DPY19L3: variants seen among roughly 807,000 people sequenced by gnomAD.
The protein encoded by DPY19L3 is dpy-19 like C-mannosyltransferase 3.
DPY19L3 carries 51 observed loss-of-function variants against 92.3 expected under a neutral mutation model. The observed-to-expected ratio is 0.55, with a 90% CI of 0.44 to 0.70. The LOEUF is 0.70. Among genes scored for constraint, DPY19L3 ranks in the 30% least tolerant of loss-of-function variants. The pLI is 0.00. For missense variants in DPY19L3, 706 were observed against 855.9 expected (o/e 0.82, Z 2.18); for synonymous variants, 309 against 315.2 (o/e 0.98, Z 0.21).
At position 32,453,311 on chromosome 19, in the gene DPY19L3, CT is replaced by C. The variant is rs536858783; in HGVS notation, c.987+43del. ...TTTTTTTGTCCTTTATCAAAGTAAACTTTTTTTTAATTGCGTGGTTTATTGA... is the reference window on the plus strand; with the variant it reads ...TTTTTTTGTCCTTTATCAAAGTAAACTTTTTTTAATTGCGTGGTTTATTGA... On this transcript the variant is annotated intron_variant, in intron 9 of 18. Transcript: ENST00000392250. The C allele has an allele frequency of 2.1e-4, 325 of 1,568,656 alleles. 2 individuals carry two copies. In the African/African-American group the frequency reaches 2.7e-3, roughly 13 times the overall value.
intron 4 of DPY19L3, among the ~76,000 whole-genome samples, chr19:32,433,457 G>A (rs374506143): frequency 2.4e-4 from 36 of 152,112 alleles, no homozygotes; most frequent in African/African-American, 6.3e-4. Flanking sequence ...TCACTCTGTC[G>A]TCCAGGCTGG....
At chr19:32,480,601 C>A in intron 18 of DPY19L3, 44 bp downstream of exon 18, 1 of 1,570,728 alleles carries the variant, frequency 6.4e-7, no homozygotes, top group Non-Finnish European at 8.6e-7. Context: ...CCTGGAGGGG[C>A]GGGACTCTGA....
At chr19:32,424,368 A>G (rs1410251945) in intron 3 of DPY19L3, among the ~76,000 whole-genome samples, 1 of 151,482 alleles carries the variant, frequency 6.6e-6, no homozygotes. Context: ...GAGTATCCTG[A>G]TTTCTTTCTC....
Position 32,484,588 on chromosome 19 carries a change from G to A in DPY19L3, c.*2348G>A, listed in dbSNP as rs1970752353. 6.6e-6 allele frequency: 1 copy of A among 152,124 alleles called. No individual in the cohort carries two copies. The highest frequency in any genetic ancestry group is 1.5e-5 in the Non-Finnish European group (1 of 68,040). The allele number at this position is 152,124 out of a possible 1,614,324, so 9.4% of individuals were successfully genotyped here. ...AAGTACAATAGAAGTGCTCTTAACG[G>A]ACTCTGCCTGTGTGACTCCCAGGCC... On this transcript the variant is annotated 3_prime_UTR_variant, in exon 19 of 19. Transcript: ENST00000392250.
intron 3 of DPY19L3, among the ~76,000 whole-genome samples, chr19:32,421,389 C>G (rs1174073660): frequency 2.0e-5 from 3 of 152,144 alleles, no homozygotes; most frequent in Admixed American, 6.5e-5. Context: ...CCTGTAATCC[C>G]AGCACTTTGG....
intron 3 of DPY19L3, among the ~76,000 whole-genome samples, chr19:32,424,342 A>T (rs1197751898): frequency 3.3e-5 from 5 of 150,830 alleles, no homozygotes; most frequent in Admixed American, 2.0e-4. Flanking sequence ...AGAAATAAAT[A>T]AAAAAAAATG....
At chr19:32,462,612 C>T (rs1464350190) in intron 12 of DPY19L3, among the ~76,000 whole-genome samples, 6 of 152,074 alleles carry the variant, frequency 3.9e-5, no homozygotes, top group East Asian at 1.9e-4. Context: ...ACCTGGGAGA[C>T]GGGAACAGCT....
intron 15 of DPY19L3, 90 bp downstream of exon 15, chr19:32,464,874 A>G: frequency 4.5e-6 from 4 of 892,374 alleles, no homozygotes; most frequent in Non-Finnish European, 6.6e-6. Flanking sequence ...TTTGGCAAAT[A>G]GAGTGGTTTG....
At chr19:32,424,385 A>G (rs1433370841) in intron 3 of DPY19L3, among the ~76,000 whole-genome samples, 3 of 151,876 alleles carry the variant, frequency 2.0e-5, no homozygotes, top group Non-Finnish European at 2.9e-5. Context: ...TCTCTTTTAT[A>G]ACTGGAAGTC....
chr19:32,462,466 G>A (rs145578999), intron 12 of DPY19L3, among the ~76,000 whole-genome samples: 7 of 152,258 alleles, frequency 4.6e-5, no homozygotes, highest in Non-Finnish European at 1.0e-4. Context: ...TGAATCCACC[G>A]ATAAGAGGGG....
intron 16 of DPY19L3, among the ~76,000 whole-genome samples, chr19:32,469,593 G>T (rs1238975298): frequency 6.6e-6 from 1 of 152,146 alleles, no homozygotes; most frequent in South Asian, 2.1e-4. Context: ...TGACAGCTCA[G>T]TGCGGATTTC....
At chr19:32,470,975 A>G (rs1183906135) in intron 16 of DPY19L3, among the ~76,000 whole-genome samples, 1 of 152,164 alleles carries the variant, frequency 6.6e-6, no homozygotes, top group Non-Finnish European at 1.5e-5. Context: ...ATGCCAAAAT[A>G]GGGTCTATGT....
chr19:32,439,328 G>A, intron 7 of DPY19L3, 93 bp downstream of exon 7: 4 of 1,322,862 alleles, frequency 3.0e-6, no homozygotes, highest in Non-Finnish European at 4.1e-6. Flanking sequence ...CAATGCATGT[G>A]AATAGTTCTT....
chr19:32,454,622 G>T (rs893890945), intron 9 of DPY19L3, among the ~76,000 whole-genome samples: 2 of 151,990 alleles, frequency 1.3e-5, no homozygotes, highest in Non-Finnish European at 2.9e-5. Flanking sequence ...TTCAGTCAGC[G>T]TATCCTGAGT....
intron 8 of DPY19L3, among the ~76,000 whole-genome samples, chr19:32,440,573 A>C (rs892710542): frequency 1.3e-5 from 2 of 152,196 alleles, no homozygotes; most frequent in African/African-American, 4.8e-5. Context: ...GTGCTCATTT[A>C]TTCCATATCA....
chr19:32,420,030 T>G (rs1422527212), intron 3 of DPY19L3, among the ~76,000 whole-genome samples: 1 of 151,506 alleles, frequency 6.6e-6, no homozygotes, highest in African/African-American at 2.4e-5. Flanking sequence ...CGGCTAATTT[T>G]TGTATTTTTA....
chr19:32,481,043 C>T (rs1230388715), intron 18 of DPY19L3: 9 of 342,352 alleles, frequency 2.6e-5, no homozygotes, highest in East Asian at 1.3e-4. Flanking sequence ...TTCCACAGGC[C>T]GGCTTTCAGA....
chr19:32,482,501 T>C lies in DPY19L3; in HGVS notation c.*261T>C, dbSNP rs1970705001. The C allele has an allele frequency of 2.7e-6, 1 of 367,146 alleles. No homozygotes were observed. Among genetic ancestry groups the C allele is most frequent in the Non-Finnish European group, 4.9e-6 (1 of 202,928 alleles). 22.7% of individuals were successfully genotyped at this position (367,146 alleles called of 1,614,324 possible). On this transcript the variant is annotated 3_prime_UTR_variant, in exon 19 of 19. Transcript: ENST00000392250. ...ACTTTCTAAGAGTGACCTAGAATTATGTTGTTGGAGAGAATGATGTGTGTT... is the reference window on the plus strand; with the variant it reads ...ACTTTCTAAGAGTGACCTAGAATTACGTTGTTGGAGAGAATGATGTGTGTT...
rs1241801649 is a variant in DPY19L3, at chr19:32,485,431, T to C, written c.*3191T>C. On this transcript the variant is annotated 3_prime_UTR_variant, in exon 19 of 19. Transcript: ENST00000392250. ...TGTGTGTTTCTGTGGGTGTGTGGTT[T>C]TGGTTGGGTGCTGCCAGGTGGCAAA... 1.3e-5 allele frequency: 2 copies of C among 151,968 alleles called. No individual in the cohort carries two copies. Among genetic ancestry groups the C allele is most frequent in the Non-Finnish European group, 2.9e-5 (2 of 68,002 alleles). 9.4% of individuals were successfully genotyped at this position (151,968 alleles called of 1,614,324 possible).
Sources: allele counts gnomAD v4.1 joint callset (sites outside exome capture counted in the v4.1 genomes callset), GRCh38; gene constraint gnomAD v4.1.1; transcripts MANE v1.5; gene names NCBI Gene and HGNC (gene_info 2026-07-23, HGNC 2026-07-21).